STAT1: variants seen among roughly 807,000 people sequenced by gnomAD.
STAT1 encodes the protein signal transducer and activator of transcription 1, also known as signal transducer and activator of transcription 1-alpha/beta.
STAT1 carries 24 observed loss-of-function variants against 111.7 expected under a neutral mutation model. The observed-to-expected ratio is 0.21, with a 90% CI of 0.16 to 0.30. The LOEUF is 0.30. Ranked by LOEUF, STAT1 falls within the 10% of genes least tolerant of loss-of-function variation. The probability of loss-of-function intolerance (pLI) is 1.00; values close to 1 mark genes in which losing one functional copy is unlikely to be tolerated. For synonymous variants in STAT1, 332 were observed against 326.5 expected (o/e 1.02, Z -0.18); for missense variants, 351 against 911.9 (o/e 0.38, Z 7.92).
chr2:191,009,575 T>C (rs2125102493), intron 3 of STAT1, among the ~76,000 whole-genome samples: 1 of 152,348 alleles, frequency 6.6e-6, no homozygotes, highest in South Asian at 2.1e-4. Context: ...GGATCCTAAG[T>C]TGGAAAATAA....
At chr2:190,972,045 T>C (rs4853533) in intron 24 of STAT1, among the ~76,000 whole-genome samples, 89,886 of 151,460 alleles carry the variant, frequency 0.59, 27,234 homozygotes, top group Admixed American at 0.65. Flanking sequence ...CTTAATAGGG[T>C]GGACCGTGGG....
rs41438845 is a variant in STAT1, at chr2:190,989,513, A to C, written c.1097+102T>G. The C allele has an allele frequency of 3.0e-4, 252 of 838,368 alleles. No individual in the cohort carries two copies. The African/African-American group carries it at 4.1e-3, about 14-fold the overall frequency. 51.9% of individuals were successfully genotyped at this position (838,368 alleles called of 1,614,324 possible). On this transcript the variant is annotated intron_variant, in intron 12 of 24. Coordinates refer to ENST00000361099, the MANE Select transcript of STAT1 (RefSeq NM_007315.4). The surrounding 1 kb of genome is among the most constrained non-coding windows in gnomAD (Gnocchi z 5.0). The stretch of plus-strand genomic sequence containing the variant: ...ACTTCCACCCAGTATAGACCCTTCC[A>C]CAGCTAGAAATCTGCTTATTTAGTG...
intron 2 of STAT1, chr2:191,010,236 T>C (rs1360927130): frequency 3.9e-6 from 2 of 513,790 alleles, no homozygotes; most frequent in South Asian, 1.8e-5. Flanking sequence ...CTTTGCTTAT[T>C]GTCAACATAT....
In STAT1 at chr2:191,012,795, T is replaced by C. The variant is rs1034612260; in HGVS notation, c.-2+730A>G. 6.6e-6 allele frequency among the ~76,000 whole-genome samples: 1 copy of C among 152,266 alleles called. No individual in the cohort carries two copies. Among genetic ancestry groups the C allele is most frequent in the Admixed American group, 6.5e-5 (1 of 15,288 alleles). On this transcript the variant is annotated intron_variant, in intron 2 of 24. Coordinates refer to ENST00000361099, the MANE Select transcript of STAT1 (RefSeq NM_007315.4). The surrounding 1 kb of genome is among the most constrained non-coding windows in gnomAD (Gnocchi z 4.0). ...CCCAACATTTCTGCTTTGCTCCAGCTACTCGCCCTTGGAAACAGCCTCTCC... is the reference window on the plus strand; with the variant it reads ...CCCAACATTTCTGCTTTGCTCCAGCCACTCGCCCTTGGAAACAGCCTCTCC...
At chr2:191,005,282 G>A (rs1392500096) in intron 5 of STAT1, among the ~76,000 whole-genome samples, 1 of 152,090 alleles carries the variant, frequency 6.6e-6, no homozygotes, top group Non-Finnish European at 1.5e-5. Context: ...ATTATTTGAA[G>A]CAAATACCAG....
At position 190,979,932 on chromosome 2, in the gene STAT1, C is replaced by T. The variant is rs1692232002; in HGVS notation, c.1633-66G>A. 4.5e-6 allele frequency: 5 copies of T among 1,112,086 alleles called. No homozygotes were observed. The Admixed American group carries it at 7.2e-5, about 16-fold the overall frequency. The allele number at this position is 1,112,086 out of a possible 1,614,324, so 68.9% of individuals were successfully genotyped here. On this transcript the variant is annotated intron_variant, in intron 19 of 24. Transcript: ENST00000361099. This position sits in a 1 kb window ranked among gnomAD's most constrained non-coding sequence, Gnocchi z 5.8. The stretch of plus-strand genomic sequence containing the variant: ...AAACAATGACTTACCATGGCCCCTC[C>T]CACCATCATTTGCAAAGACTCCCCA...
Position 190,970,583 on chromosome 2 carries a change from A to G in STAT1, c.*120T>C. The G allele has an allele frequency of 8.6e-7, 1 of 1,168,976 alleles. No individual in the cohort carries two copies. The allele number at this position is 1,168,976 out of a possible 1,614,324, so 72.4% of individuals were successfully genotyped here. ...CACTTGCTATCAACAGGTTGCAGCG[A>G]ATTTGCTGGCCTTTCTTTCATTTCC... On this transcript the variant is annotated 3_prime_UTR_variant, in exon 25 of 25. Coordinates refer to ENST00000361099, the MANE Select transcript of STAT1 (RefSeq NM_007315.4). The surrounding 1 kb of genome is among the most constrained non-coding windows in gnomAD (Gnocchi z 5.4).
rs979293258 is a variant in STAT1 at position 190,999,013 on chromosome 2, G to C, written c.541+613C>G. On this transcript the variant is annotated intron_variant, in intron 7 of 24. Transcript: ENST00000361099. The surrounding 1 kb of genome is among the most constrained non-coding windows in gnomAD (Gnocchi z 4.1). ...CATGGTATACCCCAGATGATGAATA[G>C]AGTAACAGCAGTACCCTACGTGTCC... Among the ~76,000 whole-genome samples, 2 of 152,106 alleles carry C rather than the reference G, an allele frequency of 1.3e-5. No individual in the cohort carries two copies. The highest frequency in any genetic ancestry group is 4.8e-5 in the African/African-American group (2 of 41,404).
chr2:191,011,699 G>C (rs1464472930), intron 2 of STAT1, among the ~76,000 whole-genome samples: 1 of 152,166 alleles, frequency 6.6e-6, no homozygotes, highest in African/African-American at 2.4e-5. Context: ...GTGATAATGA[G>C]TGAGCCTCAT....
rs1422659998 is a variant in STAT1 at position 191,004,413 on chromosome 2, C to G, written c.372+3150G>C. Among the ~76,000 whole-genome samples the G allele has an allele frequency of 2.6e-5, 4 of 152,186 alleles. No individual in the cohort carries two copies. The highest frequency in any genetic ancestry group is 7.2e-5 in the African/African-American group (3 of 41,444). On this transcript the variant is annotated intron_variant, in intron 5 of 24. Transcript: ENST00000361099. The surrounding 1 kb of genome is among the most constrained non-coding windows in gnomAD (Gnocchi z 5.0). ...CCCCAGAGCAAAGAAAAGTCTTCTG[C>G]TCAGGAAGGGGGTCCTTTCCAATGG...
intron 24 of STAT1, among the ~76,000 whole-genome samples, chr2:190,972,681 C>T (rs548430624): frequency 1.5e-4 from 23 of 152,020 alleles, no homozygotes; most frequent in Non-Finnish European, 2.9e-4. Context: ...CTGATTCAAC[C>T]GTTGTCTAAC....
rs536084489 is a variant in STAT1 at position 190,989,050 on chromosome 2, A to G, written c.1097+565T>C. 6.6e-6 allele frequency among the ~76,000 whole-genome samples: 1 copy of G among 151,974 alleles called. No homozygotes were observed. The highest frequency in any genetic ancestry group is 2.1e-4 in the South Asian group (1 of 4,788). ...GCCCATTCCTGGGTTCCCACTGCCC[A>G]GAAGAGACAAGAGTGAATCCCACAG... On this transcript the variant is annotated intron_variant, in intron 12 of 24. Coordinates refer to ENST00000361099, the MANE Select transcript of STAT1 (RefSeq NM_007315.4). This position sits in a 1 kb window ranked among gnomAD's most constrained non-coding sequence, Gnocchi z 5.0.
intron 15 of STAT1, among the ~76,000 whole-genome samples, chr2:190,985,328 G>C (rs1470295474): frequency 6.6e-6 from 1 of 152,214 alleles, no homozygotes. Flanking sequence ...ACTTCTGTGA[G>C]TCAATTTCTT....
At chr2:191,011,872 T>C (rs1256995332) in intron 2 of STAT1, among the ~76,000 whole-genome samples, 3 of 152,034 alleles carry the variant, frequency 2.0e-5, no homozygotes, top group Non-Finnish European at 4.4e-5. Flanking sequence ...TATAGCAGCA[T>C]GAGAACAGAC....
rs999751029 is a variant in STAT1 at position 190,971,080 on chromosome 2, AG to A, written c.2239-364del. On this transcript the variant is annotated intron_variant, in intron 24 of 24. Coordinates refer to ENST00000361099, the MANE Select transcript of STAT1 (RefSeq NM_007315.4). The surrounding 1 kb of genome is among the most constrained non-coding windows in gnomAD (Gnocchi z 4.1). ...GCTGAGCCATATGCCAGAGGGAGAGAGGAAGGAGAGGGAAATGATACACTTC... is the reference window on the plus strand; with the variant it reads ...GCTGAGCCATATGCCAGAGGGAGAGAGAAGGAGAGGGAAATGATACACTTC... Among the ~76,000 whole-genome samples the A allele has an allele frequency of 7.9e-5, 12 of 152,148 alleles. No individual in the cohort carries two copies.
intron 10 of STAT1, 109 bp downstream of exon 10, chr2:190,994,952 A>G: frequency 2.4e-6 from 1 of 411,596 alleles, no homozygotes; most frequent in East Asian, 7.1e-5. Flanking sequence ...ATATATATAT[A>G]TATATAAAAA....
chr2:191,013,864 G>C (rs1243729817), intron 1 of STAT1, 154 bp downstream of exon 1: 3 of 390,292 alleles, frequency 7.7e-6, no homozygotes, highest in Non-Finnish European at 1.4e-5. Flanking sequence ...GGCACTGCTC[G>C]CACTTGGAAT....
intron 5 of STAT1, 147 bp from the exon 6 acceptor site, chr2:191,001,310 T>C (rs1353106705): frequency 2.8e-6 from 2 of 702,348 alleles, no homozygotes; most frequent in Non-Finnish European, 5.2e-6. Flanking sequence ...ATGAAATTTT[T>C]CCCAAGGCCC....
chr2:190,969,696 C>T lies in STAT1; in HGVS notation c.*1007G>A, dbSNP rs1038185021. The T allele has an allele frequency of 1.3e-5, 2 of 152,168 alleles. No homozygotes were observed. Among genetic ancestry groups the T allele is most frequent in the African/African-American group, 4.8e-5 (2 of 41,450 alleles). The allele number at this position is 152,168 out of a possible 1,614,324, so 9.4% of individuals were successfully genotyped here. A position where few individuals can be genotyped will look rare whatever the true frequency, so the allele number is the denominator to read the frequency against. On this transcript the variant is annotated 3_prime_UTR_variant, in exon 25 of 25. Coordinates refer to ENST00000361099, the MANE Select transcript of STAT1 (RefSeq NM_007315.4). ...AAATGAGTTTTGAAATGATCTGATT[C>T]TCATATTATCTCTGGTGTATTATTC...
Sources: gnomAD v4.1 joint callset for allele counts (sites outside exome capture counted in the v4.1 genomes callset) on GRCh38, gnomAD v4.1.1 for gene constraint, Gnocchi (gnomAD v3.1) non-coding constraint, MANE v1.5 for transcripts, NCBI Gene and HGNC (gene_info 2026-07-23, HGNC 2026-07-21) for gene names.